The following CACNA2D3 variants were observed in gnomAD, a reference collection of about 807,000 sequenced individuals.
The protein encoded by CACNA2D3 is voltage-dependent calcium channel subunit alpha-2/delta-3.
A neutral mutation model predicts 160.6 loss-of-function variants in CACNA2D3; 60 were observed. The observed-to-expected ratio is 0.37, with a 90% CI of 0.30 to 0.46. The LOEUF is 0.46. Among genes scored for constraint, CACNA2D3 ranks in the 20% least tolerant of loss-of-function variants. The pLI, the probability that CACNA2D3 is intolerant of heterozygous loss-of-function variation, is 1.00. For missense variants in CACNA2D3, 1,205 were observed against 1,365.0 expected (o/e 0.88, Z 1.85); for synonymous variants, 558 against 492.9 (o/e 1.13, Z -1.75).
At chr3:54,539,133 C>T (rs1053107697) in intron 5 of CACNA2D3, among the ~76,000 whole-genome samples, 2 of 152,256 alleles carry the variant, frequency 1.3e-5, no homozygotes, top group South Asian at 2.1e-4. Context: ...TTGTGTCGGC[C>T]GTGTTCATGT....
At chr3:54,822,790 C>CTTTCCTTTCTTTCTTTCTTT (rs1491160047) in intron 14 of CACNA2D3, among the ~76,000 whole-genome samples, 23 of 71,944 alleles carry the variant, frequency 3.2e-4, no homozygotes, top group East Asian at 9.3e-4. Context: ...TTCTTTCTTT[C>CTTTCCTTTCTTTCTTTCTTT]CTTTCTTTCT....
intron 35 of CACNA2D3, among the ~76,000 whole-genome samples, chr3:55,061,577 T>C (rs1373167812): frequency 6.6e-6 from 1 of 152,238 alleles, no homozygotes; most frequent in Non-Finnish European, 1.5e-5. Context: ...TAGGGCTTAC[T>C]CAAGTTTCCC....
In CACNA2D3 at chr3:54,741,687, T is replaced by C. The variant is rs375009344; in HGVS notation, c.1168-10912T>C. Among the ~76,000 whole-genome samples, 11 of 152,240 alleles carry C rather than the reference T, an allele frequency of 7.2e-5. No individual in the cohort carries two copies. The East Asian group carries it at 1.9e-3, about 27-fold the overall frequency. ...GGGATCCATGTATGTGTTGGTCTGC[T>C]TTGGAGTTTTCCTTGGTGGTCCACT... On this transcript the variant is annotated intron_variant, in intron 11 of 37. Coordinates refer to ENST00000474759, the MANE Select transcript of CACNA2D3 (RefSeq NM_018398.3).
chr3:54,435,337 G>T (rs1043216116), intron 4 of CACNA2D3, among the ~76,000 whole-genome samples: 1 of 152,180 alleles, frequency 6.6e-6, no homozygotes, highest in African/African-American at 2.4e-5. Context: ...GGTGTTAGTG[G>T]AGTCCCATGG....
chr3:54,166,436 A>G lies in CACNA2D3; in HGVS notation c.204+42842A>G, dbSNP rs190226435. On this transcript the variant is annotated intron_variant, in intron 2 of 37. Transcript: ENST00000474759. ...AAAGAAGAAAATTACCCTTCTGTCC[A>G]GAGCCCCTTGTTAATTGAATATGTG... Among the ~76,000 whole-genome samples the G allele has an allele frequency of 1.4e-4, 21 of 152,362 alleles. No homozygotes were observed. In the East Asian group the frequency reaches 3.5e-3, roughly 25 times the overall value.
At chr3:54,588,513 C>A (rs1356162603) in intron 9 of CACNA2D3, among the ~76,000 whole-genome samples, 1 of 152,024 alleles carries the variant, frequency 6.6e-6, no homozygotes, top group East Asian at 1.9e-4. Flanking sequence ...GTAAAACTTC[C>A]TATTTTCAGA....
At chr3:54,606,080 G>A (rs925573264) in intron 9 of CACNA2D3, among the ~76,000 whole-genome samples, 4 of 152,084 alleles carry the variant, frequency 2.6e-5, no homozygotes, top group East Asian at 3.8e-4. Context: ...TGAATCAGGG[G>A]AAGGGGGCTT....
intron 32 of CACNA2D3, among the ~76,000 whole-genome samples, chr3:55,007,506 C>T (rs1371062908): frequency 6.6e-6 from 1 of 152,162 alleles, no homozygotes; most frequent in Non-Finnish European, 1.5e-5. Context: ...GTTTAAGCAT[C>T]GGGTGCTGAA....
chr3:54,400,913 T>C (rs1445578261), intron 4 of CACNA2D3, among the ~76,000 whole-genome samples: 1 of 152,162 alleles, frequency 6.6e-6, no homozygotes, highest in Non-Finnish European at 1.5e-5. Context: ...AGGAAATTTA[T>C]GAATTTTCTA....
intron 2 of CACNA2D3, among the ~76,000 whole-genome samples, chr3:54,180,924 T>TCAGTAA (rs1700771345): frequency 6.6e-6 from 1 of 152,198 alleles, no homozygotes; most frequent in Non-Finnish European, 1.5e-5. Flanking sequence ...AAAAGGAGGC[T>TCAGTAA]ACCTGATAGA....
At chr3:54,844,657 G>T (rs1698896476) in intron 16 of CACNA2D3, among the ~76,000 whole-genome samples, 1 of 152,036 alleles carries the variant, frequency 6.6e-6, no homozygotes, top group African/African-American at 2.4e-5. Context: ...GGTAGGGGAG[G>T]CAGGCATGAA....
intron 35 of CACNA2D3, among the ~76,000 whole-genome samples, chr3:55,049,288 T>A (rs1396902229): frequency 1.3e-5 from 2 of 148,334 alleles, no homozygotes; most frequent in African/African-American, 5.1e-5. Flanking sequence ...GTCCCAGAGA[T>A]TCTGGTATGT....
chr3:54,406,073 G>T (rs1218045915), intron 4 of CACNA2D3, among the ~76,000 whole-genome samples: 2 of 152,070 alleles, frequency 1.3e-5, no homozygotes, highest in South Asian at 2.1e-4. Flanking sequence ...TGGAGAAAAG[G>T]AAACTCTTGT....
At chr3:54,322,699 TAGG>T (rs1704029687) in intron 3 of CACNA2D3, among the ~76,000 whole-genome samples, 1 of 152,132 alleles carries the variant, frequency 6.6e-6, no homozygotes, top group South Asian at 2.1e-4. Flanking sequence ...GAACATCTGA[TAGG>T]AGGTAGTCTT....
At chr3:54,388,584 C>T (rs1699228625) in intron 4 of CACNA2D3, among the ~76,000 whole-genome samples, 1 of 152,172 alleles carries the variant, frequency 6.6e-6, no homozygotes, top group African/African-American at 2.4e-5. Context: ...GGCAGCTGGC[C>T]CAGCTCTTTG....
intron 8 of CACNA2D3, among the ~76,000 whole-genome samples, chr3:54,571,610 CAAGTGT>C (rs1452089844): frequency 7.8e-6 from 1 of 127,516 alleles, no homozygotes; most frequent in Non-Finnish European, 1.6e-5. Flanking sequence ...AGCACTTAAC[CAAGTGT>C]GTGTGTGTGT....
chr3:54,796,937 G>C (rs901783895), intron 13 of CACNA2D3, among the ~76,000 whole-genome samples: 3 of 152,226 alleles, frequency 2.0e-5, no homozygotes, highest in African/African-American at 7.2e-5. Flanking sequence ...CTGTTTTCAA[G>C]AGCAACAGGG....
intron 35 of CACNA2D3, among the ~76,000 whole-genome samples, chr3:55,020,603 A>G (rs1333748675): frequency 6.6e-6 from 1 of 151,928 alleles, no homozygotes; most frequent in African/African-American, 2.4e-5. Flanking sequence ...TAATCTCAAC[A>G]CTTTGGGAGG....
intron 18 of CACNA2D3, among the ~76,000 whole-genome samples, chr3:54,872,988 G>A (rs1316441859): frequency 6.6e-6 from 1 of 151,972 alleles, no homozygotes; most frequent in Non-Finnish European, 1.5e-5. Context: ...TGCCACTCAG[G>A]TTTTAGACTC....
Sources: gnomAD v4.1 joint callset for allele counts (sites outside exome capture counted in the v4.1 genomes callset) on GRCh38, gnomAD v4.1.1 for gene constraint, MANE v1.5 for transcripts, NCBI Gene and HGNC (gene_info 2026-07-23, HGNC 2026-07-21) for gene names.